Variants in NUP58 observed in about 807,000 individuals in gnomAD.
NUP58 encodes the protein nucleoporin p58/p45.
A neutral mutation model predicts 70.1 loss-of-function variants in NUP58; 17 were observed. The ratio of observed to expected loss-of-function variants is 0.24; its 90% CI spans 0.17 to 0.36. The LOEUF (loss-of-function observed/expected upper bound fraction) is 0.36. NUP58 is among the 10% of genes least tolerant of loss of function. The probability of loss-of-function intolerance (pLI) is 1.00; values close to 1 mark genes in which losing one functional copy is unlikely to be tolerated. For missense variants in NUP58, 644 were observed against 701.5 expected (o/e 0.92, Z 0.93); for synonymous variants, 275 against 257.6 (o/e 1.07, Z -0.65).
At chr13:25,337,110 C>A (rs1344054839) in intron 14 of NUP58, 76 bp downstream of exon 14, 2 of 861,334 alleles carry the variant, frequency 2.3e-6, no homozygotes, top group African/African-American at 1.8e-5. Context: ...AAAAAAATTT[C>A]TAAGAGAATC....
chr13:25,314,079 T>G (rs562519128), intron 5 of NUP58, among the ~76,000 whole-genome samples: 3 of 152,154 alleles, frequency 2.0e-5, no homozygotes, highest in East Asian at 1.9e-4. Flanking sequence ...TACAGGTGTG[T>G]GCCAGCACAC....
At chr13:25,315,856 A>G (rs1428373451) in intron 6 of NUP58, among the ~76,000 whole-genome samples, 1 of 152,164 alleles carries the variant, frequency 6.6e-6, no homozygotes, top group Non-Finnish European at 1.5e-5. Flanking sequence ...GTAGTTTAAG[A>G]GTGTCTGCTC....
chr13:25,334,141 T>A, intron 13 of NUP58: 1 of 985,392 alleles, frequency 1.0e-6, no homozygotes. Flanking sequence ...GCAGGCTATT[T>A]GTGTATGAAA....
intron 15 of NUP58, 161 bp downstream of exon 15, chr13:25,338,892 T>C: frequency 2.0e-6 from 1 of 500,460 alleles, no homozygotes; most frequent in Non-Finnish European, 3.6e-6. Flanking sequence ...TTTTACTTTA[T>C]CTCTCTCATA....
In NUP58 at chr13:25,341,170, C is replaced by G. The variant is rs1283431609; in HGVS notation, c.*1036C>G. On this transcript the variant is annotated 3_prime_UTR_variant, in exon 16 of 16. Coordinates refer to ENST00000381736, the MANE Select transcript of NUP58 (RefSeq NM_014089.4). ...TGATCTTTTCCATTTTTGTTTCCAC[C>G]TTAACCTATAGCAGCTCCTCCAAAT... The G allele has an allele frequency of 6.6e-6, 1 of 152,204 alleles. No individual in the cohort carries two copies. The highest frequency in any genetic ancestry group is 1.5e-5 in the Non-Finnish European group (1 of 68,030). The allele number at this position is 152,204 out of a possible 1,614,324, so 9.4% of individuals were successfully genotyped here. A position where few individuals can be genotyped will look rare whatever the true frequency, so the allele number is the denominator to read the frequency against.
intron 3 of NUP58, among the ~76,000 whole-genome samples, chr13:25,348,392 G>A (rs185775466): frequency 1.3e-5 from 2 of 150,774 alleles, no homozygotes; most frequent in East Asian, 3.9e-4. Context: ...GTTGAAATAA[G>A]TATATTTCAA....
chr13:25,327,929 A>G (rs2031458823), intron 12 of NUP58, among the ~76,000 whole-genome samples: 3 of 152,150 alleles, frequency 2.0e-5, no homozygotes, highest in Admixed American at 1.3e-4. Flanking sequence ...AGTCAGGCAC[A>G]GTGGCTTACA....
At chr13:25,324,161 G>A (rs2031299838) in intron 9 of NUP58, among the ~76,000 whole-genome samples, 1 of 152,150 alleles carries the variant, frequency 6.6e-6, no homozygotes, top group African/African-American at 2.4e-5. Flanking sequence ...CTGGAGTGGG[G>A]TGGGATGGAA....
intron 4 of NUP58, among the ~76,000 whole-genome samples, chr13:25,313,403 A>C (rs945832875): frequency 1.3e-5 from 2 of 152,202 alleles, no homozygotes; most frequent in African/African-American, 4.8e-5. Flanking sequence ...GTACCATTCT[A>C]ATACTCCTCA....
intron 10 of NUP58, among the ~76,000 whole-genome samples, chr13:25,326,376 A>ATC (rs1373680010): frequency 1.3e-5 from 2 of 151,512 alleles, no homozygotes; most frequent in East Asian, 3.9e-4. Flanking sequence ...CTGTGGGTAA[A>ATC]TTTATTAGAA....
At chr13:25,337,093 C>T in intron 14 of NUP58, 59 bp downstream of exon 14, 2 of 1,154,380 alleles carry the variant, frequency 1.7e-6, no homozygotes, top group Non-Finnish European at 2.4e-6. Flanking sequence ...TTGATACTAG[C>T]CTGTAAAAAA....
At position 25,332,713 on chromosome 13, in the gene NUP58, G is replaced by A. The variant is rs150047972; in HGVS notation, c.1435+1155G>A. On this transcript the variant is annotated intron_variant, in intron 13 of 15. Coordinates refer to ENST00000381736, the MANE Select transcript of NUP58 (RefSeq NM_014089.4). ...TATGCCAAATCCTCCATATCCCGTG[G>A]CTGGACCCATGTGAATAGTGGCTCG... is the stretch of plus-strand genomic sequence containing the variant. 9.9e-4 allele frequency: 971 copies of A among 985,404 alleles called. 4 individuals are homozygous for A. In the African/African-American group the frequency reaches 0.016, roughly 16 times the overall value. The allele number at this position is 985,404 out of a possible 1,614,324, so 61.0% of individuals were successfully genotyped here.
At chr13:25,335,302 C>T (rs983699239) in intron 13 of NUP58, 1 of 985,316 alleles carries the variant, frequency 1.0e-6, no homozygotes, top group Non-Finnish European at 1.2e-6. Flanking sequence ...CCACACACAA[C>T]AAAAAGCATG....
At position 25,336,055 on chromosome 13, in the gene NUP58, T is replaced by C. The variant is rs370975176; in HGVS notation, c.1436-881T>C. On this transcript the variant is annotated intron_variant, in intron 13 of 15. Coordinates refer to ENST00000381736, the MANE Select transcript of NUP58 (RefSeq NM_014089.4). ...GCCAAACAAACTCAGCCAAAATCTT[T>C]AAAGTAACAAGAGGGAAAAGGATGA... The C allele has an allele frequency of 1.8e-4, 212 of 1,187,420 alleles. No individual in the cohort carries two copies. In the African/African-American group the frequency reaches 3.4e-3, roughly 19 times the overall value. The allele number at this position is 1,187,420 out of a possible 1,614,324, so 73.6% of individuals were successfully genotyped here.
chr13:25,333,884 C>G lies in NUP58; in HGVS notation c.1435+2326C>G, dbSNP rs1237665381. ...TTGATCTATACAAGATTTGAGTTAT[C>G]AGAAGGGTTTTGCTTTTATTTGCAT... On this transcript the variant is annotated intron_variant, in intron 13 of 15. Coordinates refer to ENST00000381736, the MANE Select transcript of NUP58 (RefSeq NM_014089.4). 4.1e-6 allele frequency: 4 copies of G among 985,216 alleles called. No individual in the cohort carries two copies. In the African/African-American group the frequency reaches 7.0e-5, roughly 17 times the overall value. 61.0% of individuals were successfully genotyped at this position (985,216 alleles called of 1,614,324 possible).
chr13:25,311,897 A>G (rs191652610), intron 3 of NUP58, among the ~76,000 whole-genome samples: 16 of 152,216 alleles, frequency 1.1e-4, no homozygotes, highest in Admixed American at 2.6e-4. Context: ...GATGTCAAGG[A>G]TGACTGGTTT....
In NUP58 at chr13:25,321,745, C is replaced by T. The variant is rs532454033; in HGVS notation, c.951+652C>T. 3.6e-3 allele frequency among the ~76,000 whole-genome samples: 555 copies of T among 152,138 alleles called. 7 individuals are homozygous for T. Among genetic ancestry groups the T allele is most frequent in the African/African-American group, 0.011 (448 of 41,502 alleles). On this transcript the variant is annotated intron_variant, in intron 9 of 15. Coordinates refer to ENST00000381736, the MANE Select transcript of NUP58 (RefSeq NM_014089.4). ...CAGTCTGACCAACATGCTGAAATCC[C>T]GTCTCTACTAAAAATACAATAATTA...
chr13:25,349,512 T>C (rs1480489421), intron 3 of NUP58: 1 of 152,618 alleles, frequency 6.6e-6, no homozygotes, highest in Admixed American at 6.5e-5. Context: ...TAAGATGCAA[T>C]AAATATTAAC....
At chr13:25,305,419 C>T (rs1342450466) in intron 1 of NUP58, among the ~76,000 whole-genome samples, 2 of 152,120 alleles carry the variant, frequency 1.3e-5, no homozygotes, top group Non-Finnish European at 2.9e-5. Context: ...GTCTGCCTAC[C>T]TCAACCTCCC....
Sources: gnomAD v4.1 joint callset for allele counts (sites outside exome capture counted in the v4.1 genomes callset) on GRCh38, gnomAD v4.1.1 for gene constraint, MANE v1.5 for transcripts, NCBI Gene and HGNC (gene_info 2026-07-23, HGNC 2026-07-21) for gene names.